Variants in MLH3 observed in about 807,000 individuals in gnomAD.
The protein encoded by MLH3 is mutL homolog 3, also known as DNA mismatch repair protein Mlh3.
Under a neutral mutation model 122.2 loss-of-function variants are expected in MLH3, and 82 were observed. That is an observed-to-expected ratio of 0.67 (90% CI 0.56 to 0.81). MLH3 has a LOEUF of 0.81. MLH3 is among the 30% of genes least tolerant of loss of function. MLH3 has a pLI of 0.00. For synonymous variants in MLH3, 524 were observed against 599.5 expected (o/e 0.87, Z 1.84); for missense variants, 1,539 against 1,714.5 (o/e 0.90, Z 1.81).
chr14:75,049,063 A>ACC lies in MLH3; in HGVS notation c.591_592dup (p.Val198GlyfsTer27). On this transcript the variant is annotated frameshift_variant, in exon 2 of 13. Transcript: ENST00000355774. LOFTEE classifies it high-confidence loss of function. Reference sequence around the variant, plus strand: ...GTCTTTGGTTTTAGGGAGCTGAAGAACCATGGAACCAGAAACATCATTTCT... The same window carrying ACC: ...GTCTTTGGTTTTAGGGAGCTGAAGAACCCCATGGAACCAGAAACATCATTTCT... 1 of 1,614,144 alleles carries ACC rather than the reference A, an allele frequency of 6.2e-7. No individual in the cohort carries two copies. Among genetic ancestry groups the ACC allele is most frequent in the Non-Finnish European group, 8.5e-7 (1 of 1,180,020 alleles).
Position 75,048,428 on chromosome 14 carries a change from CT to C in MLH3, c.1227del (p.Ala410LeufsTer2). 6.2e-7 allele frequency: 1 copy of C among 1,609,884 alleles called. No individual in the cohort carries two copies. On this transcript the variant is annotated frameshift_variant, in exon 2 of 13. Coordinates refer to ENST00000355774, the MANE Select transcript of MLH3 (RefSeq NM_001040108.2). LOFTEE classifies it high-confidence loss of function. ...TCTGCAGTAGTTTTTCTTTTCACAGCTTTTGACTGCAAATTAAACATCTCAT... is the reference window on the plus strand; with the variant it reads ...TCTGCAGTAGTTTTTCTTTTCACAGCTTTGACTGCAAATTAAACATCTCAT... Reference protein sequence around the residue: ...DSYEMFNLQSKAVKRKTTAEN... With the variant: ...DSYEMFNLQSXAVKRKTTAEN...
At position 75,042,381 on chromosome 14, in the gene MLH3, C is replaced by CT; in HGVS notation, c.3376dup (p.Arg1126LysfsTer6). ...CCAGCACTCTCTGCCACCCTTACCT[C>CT]TGTTATCCTGTCTCATCACAGTCCT... On this transcript the variant is annotated frameshift_variant, in exon 3 of 13. Transcript: ENST00000355774. LOFTEE classifies it high-confidence loss of function. The CT allele has an allele frequency of 6.2e-7, 1 of 1,613,898 alleles. No individual in the cohort carries two copies. Among genetic ancestry groups the CT allele is most frequent in the Non-Finnish European group, 8.5e-7 (1 of 1,179,762 alleles).
intron 9 of MLH3, among the ~76,000 whole-genome samples, chr14:75,028,709 C>T (rs1015312188): frequency 6.6e-6 from 1 of 151,630 alleles, no homozygotes; most frequent in African/African-American, 2.4e-5. Context: ...TGAGCCACTG[C>T]ACCTGGCCTG....
intron 9 of MLH3, among the ~76,000 whole-genome samples, chr14:75,023,305 C>T (rs1183837463): frequency 6.6e-6 from 1 of 152,184 alleles, no homozygotes; most frequent in Non-Finnish European, 1.5e-5. Flanking sequence ...TGAGAGTAGC[C>T]TTGATGATTC....
Position 75,047,697 on chromosome 14 carries a change from T to C in MLH3, c.1959A>G (p.Pro653=), listed in dbSNP as rs752173231. ...GNRTRHSVET[P]DIKDLASTLS... Reference sequence around the variant, plus strand: ...AAGTGCTGGCTAAATCTTTGATGTCTGGAGTTTCAACTGAATGACGTGTTC... The same window carrying C: ...AAGTGCTGGCTAAATCTTTGATGTCCGGAGTTTCAACTGAATGACGTGTTC... Residue 653 remains proline (P), a synonymous_variant, in exon 2 of 13, where the codon CCA becomes CCG. Coordinates refer to ENST00000355774, the MANE Select transcript of MLH3 (RefSeq NM_001040108.2). The C allele has an allele frequency of 7.4e-6, 12 of 1,614,046 alleles. No homozygotes were observed. The highest frequency in any genetic ancestry group is 1.1e-5 in the South Asian group (1 of 91,072).
At chr14:75,029,005 C>T (rs549433561) in intron 9 of MLH3, among the ~76,000 whole-genome samples, 264 of 150,494 alleles carry the variant, frequency 1.8e-3, no homozygotes, top group African/African-American at 6.0e-3. Context: ...AAAAATTAGC[C>T]GGGGCATGGT....
At chr14:75,022,398 G>C (rs1163545994) in intron 11 of MLH3, among the ~76,000 whole-genome samples, 1 of 152,162 alleles carries the variant, frequency 6.6e-6, no homozygotes, top group African/African-American at 2.4e-5. Context: ...TGACCTTCTA[G>C]GTTTCTGTTC....
In MLH3 at chr14:75,017,051, C is replaced by T. The variant is rs778648587; in HGVS notation, c.*31G>A. On this transcript the variant is annotated 3_prime_UTR_variant, in exon 13 of 13. Coordinates refer to ENST00000355774, the MANE Select transcript of MLH3 (RefSeq NM_001040108.2). ...GCTCAGAGGCATACAGTGAACATCCCTTTGTTCCTTTTAGACCAGTGATTC... is the reference window on the plus strand; with the variant it reads ...GCTCAGAGGCATACAGTGAACATCCTTTTGTTCCTTTTAGACCAGTGATTC... 6.2e-7 allele frequency: 1 copy of T among 1,611,504 alleles called. No homozygotes were observed. Among genetic ancestry groups the T allele is most frequent in the East Asian group, 2.2e-5 (1 of 44,746 alleles).
Position 75,017,007 on chromosome 14 carries a change from C to T in MLH3, c.*75G>A. On this transcript the variant is annotated 3_prime_UTR_variant, in exon 13 of 13. Transcript: ENST00000355774. ...TGATTCAGTCAGGGCCGTGCTGGTACCTGCTGCTGCTGCTCTCTGCTCAGA... is the reference window on the plus strand; with the variant it reads ...TGATTCAGTCAGGGCCGTGCTGGTATCTGCTGCTGCTGCTCTCTGCTCAGA... 6.4e-7 allele frequency: 1 copy of T among 1,573,654 alleles called. No individual in the cohort carries two copies.
chr14:75,040,488 A>T (rs1157175413), intron 4 of MLH3, among the ~76,000 whole-genome samples: 2 of 147,722 alleles, frequency 1.4e-5, no homozygotes, highest in African/African-American at 2.5e-5. Context: ...AAAAAAATTC[A>T]AAAGAATTTA....
intron 9 of MLH3, among the ~76,000 whole-genome samples, chr14:75,025,955 C>T (rs28757035): frequency 6.6e-6 from 1 of 152,114 alleles, no homozygotes; most frequent in Admixed American, 6.6e-5. Flanking sequence ...TGATTGCTCA[C>T]CAAGTCCTCT....
rs748704267 is a variant in MLH3, at chr14:75,018,986, T to C, written c.4091-6A>G. On this transcript the variant is annotated splice_region_variant and splice_polypyrimidine_tract_variant and intron_variant, in intron 11 of 12. Transcript: ENST00000355774. ...ATCATTAAACTTAATGGCCCCTAAA[T>C]GAAAGACAGAAACAAGAAGGTTATA... The C allele has an allele frequency of 1.9e-6, 3 of 1,613,910 alleles. No homozygotes were observed. Among genetic ancestry groups the C allele is most frequent in the Non-Finnish European group, 1.7e-6 (2 of 1,179,858 alleles).
rs757038362 is a variant in MLH3, at chr14:75,047,440, G to A, written c.2216C>T (p.Pro739Leu). Reference sequence around the variant, plus strand: ...CAAGCTTAGCTTCTTACGGACGATTGGTTTGGAGAAACCAATTAATTTATC... The same window carrying A: ...CAAGCTTAGCTTCTTACGGACGATTAGTTTGGAGAAACCAATTAATTTATC... ...KTDKLIGFSK[P>L]IVRKKLSLSS... Residue 739 changes from proline (P) to leucine (L), a missense_variant, in exon 2 of 13, where the codon CCA (proline) becomes CTA (leucine). Transcript: ENST00000355774. 1.3e-5 allele frequency: 21 copies of A among 1,614,036 alleles called. No homozygotes were observed. Among genetic ancestry groups the A allele is most frequent in the Non-Finnish European group, 1.6e-5 (19 of 1,179,990 alleles).
rs780125940 is a variant in MLH3 at position 75,046,982 on chromosome 14, T to G, written c.2674A>C (p.Met892Leu). The G allele has an allele frequency of 1.2e-6, 2 of 1,614,052 alleles. No individual in the cohort carries two copies. Among genetic ancestry groups the G allele is most frequent in the East Asian group, 2.2e-5 (1 of 44,882 alleles). The part of the protein sequence containing the change: ...GSERETQTMG[M>L]MSRFNELPNS... ...GGAAGTTCATTAAAACGACTCATCA[T>G]CCCCATTGTTTGAGTTTCTCTTTCG... Residue 892 changes from methionine (M) to leucine (L), a missense_variant, in exon 2 of 13, where the codon ATG becomes CTG. Transcript: ENST00000355774.
chr14:75,031,274 T>A (rs1891028704), intron 8 of MLH3, among the ~76,000 whole-genome samples: 1 of 152,230 alleles, frequency 6.6e-6, no homozygotes. Flanking sequence ...TGACTCACTA[T>A]ATGATTCGCC....
chr14:75,039,846 C>CTTAT (rs1491242181), intron 5 of MLH3, 65 bp downstream of exon 5: 2 of 259,834 alleles, frequency 7.7e-6, no homozygotes, highest in African/African-American at 7.3e-5. Context: ...AGAGTTAGGC[C>CTTAT]ATATATATAT....
intron 6 of MLH3, among the ~76,000 whole-genome samples, chr14:75,037,221 C>T (rs529278378): frequency 5.9e-5 from 9 of 152,080 alleles, no homozygotes; most frequent in African/African-American, 2.2e-4. Flanking sequence ...ATGGTTGTTC[C>T]CTCCTTTCTT....
In MLH3 at chr14:75,048,346, T is replaced by C; in HGVS notation, c.1310A>G (p.Asp437Gly). 1.2e-6 allele frequency: 2 copies of C among 1,613,816 alleles called. No homozygotes were observed. The highest frequency in any genetic ancestry group is 2.2e-5 in the East Asian group (1 of 44,880). The part of the protein sequence containing the change: ...DSEATRKNTN[D>G]AFLYIYESGG... ...TGATTCATAAATGTACAAAAATGCA[T>C]CATTTGTATTTTTTCTGGTAGCTTC... Residue 437 changes from aspartate to glycine, a missense_variant, in exon 2 of 13, where the codon GAT (aspartate) becomes GGT (glycine). Transcript: ENST00000355774.
chr14:75,048,123 A>G lies in MLH3; in HGVS notation c.1533T>C (p.Pro511=), dbSNP rs751233423. 1 of 1,614,188 alleles carries G rather than the reference A, an allele frequency of 6.2e-7. No homozygotes were observed. The highest frequency in any genetic ancestry group is 1.1e-5 in the South Asian group (1 of 91,078). ...CGTSLEMFLS[P]FQTPCHFEES... is the part of the protein sequence containing the mutation. Reference sequence around the variant, plus strand: ...CCTCAAAGTGACATGGTGTCTGAAAAGGGCTTAAAAACATTTCTAAACTGG... The same window carrying G: ...CCTCAAAGTGACATGGTGTCTGAAAGGGGCTTAAAAACATTTCTAAACTGG... The change falls in exon 2 of 13, where the codon CCT becomes CCC. Residue 511 remains proline (P), a synonymous_variant. Coordinates refer to ENST00000355774, the MANE Select transcript of MLH3 (RefSeq NM_001040108.2).
Sources: gnomAD v4.1 joint callset for allele counts (sites outside exome capture counted in the v4.1 genomes callset) on GRCh38, gnomAD v4.1.1 for gene constraint, MANE v1.5 for transcripts, NCBI Gene and HGNC (gene_info 2026-07-23, HGNC 2026-07-21) for gene names.